The following JAZF1 variants were observed in gnomAD, a reference collection of about 807,000 sequenced individuals.
The protein encoded by JAZF1 is JAZF zinc finger 1.
In JAZF1, 8 loss-of-function variants were observed where a neutral mutation model predicts 26.4. That is an observed-to-expected ratio of 0.30 (90% CI 0.18 to 0.55). JAZF1 has a LOEUF of 0.55. Among genes scored for constraint, JAZF1 ranks in the 20% least tolerant of loss-of-function variants. The pLI is 0.94. For synonymous variants in JAZF1, 126 were observed against 122.3 expected (o/e 1.03, Z -0.20); for missense variants, 199 against 322.0 (o/e 0.62, Z 2.92).
chr7:27,908,710 C>T (rs1784306040), intron 2 of JAZF1, among the ~76,000 whole-genome samples: 2 of 152,198 alleles, frequency 1.3e-5, no homozygotes, highest in African/African-American at 4.8e-5. Flanking sequence ...GTAAGAACAA[C>T]AAATGACTTT....
chr7:28,106,146 A>C (rs926876893), intron 1 of JAZF1, among the ~76,000 whole-genome samples: 3 of 152,226 alleles, frequency 2.0e-5, no homozygotes, highest in African/African-American at 7.2e-5. Flanking sequence ...ATGATAGTAA[A>C]ACTAGAGAAA....
At chr7:28,049,221 T>A (rs1385370515) in intron 1 of JAZF1, among the ~76,000 whole-genome samples, 8 of 151,672 alleles carry the variant, frequency 5.3e-5, no homozygotes, top group African/African-American at 1.7e-4. Context: ...TAGTTGGGAT[T>A]ACAGGTGCCC....
At chr7:28,156,484 A>G (rs888313670) in intron 1 of JAZF1, among the ~76,000 whole-genome samples, 7 of 152,228 alleles carry the variant, frequency 4.6e-5, no homozygotes, top group African/African-American at 1.7e-4. Context: ...AAGTGGAGAA[A>G]ATGTTTGTTG....
At chr7:27,973,979 T>C (rs77671727) in intron 2 of JAZF1, among the ~76,000 whole-genome samples, 3,285 of 152,154 alleles carry the variant, frequency 0.022, 64 homozygotes, top group Middle Eastern at 0.037. Context: ...GATGCAAAGG[T>C]AATACATTTG....
intron 2 of JAZF1, among the ~76,000 whole-genome samples, chr7:27,947,519 G>C (rs1456701673): frequency 6.6e-6 from 1 of 152,188 alleles, no homozygotes; most frequent in Non-Finnish European, 1.5e-5. Context: ...CCTTTCAAGT[G>C]AATCTGCTTT....
At chr7:27,994,646 G>C (rs547245282) in intron 1 of JAZF1, among the ~76,000 whole-genome samples, 1 of 152,156 alleles carries the variant, frequency 6.6e-6, no homozygotes, top group African/African-American at 2.4e-5. Flanking sequence ...CCATTAAAGT[G>C]CTGAAATCTT....
Position 27,832,784 on chromosome 7 carries a change from A to C in JAZF1, c.*16T>G. 1 of 1,466,646 alleles carries C rather than the reference A, an allele frequency of 6.8e-7. No individual in the cohort carries two copies. Among genetic ancestry groups the C allele is most frequent in the Non-Finnish European group, 9.1e-7 (1 of 1,099,170 alleles). The allele number at this position is 1,466,646 out of a possible 1,614,324, so 90.9% of individuals were successfully genotyped here. A position where few individuals can be genotyped will look rare whatever the true frequency, so the allele number is the denominator to read the frequency against. ...ACTGCTGGTGAGGATTTCTTGGCAC[A>C]GTTATGACCAGCATGTTATTGCTGC... On this transcript the variant is annotated 3_prime_UTR_variant, in exon 5 of 5. Coordinates refer to ENST00000283928, the MANE Select transcript of JAZF1 (RefSeq NM_175061.4).
chr7:28,086,540 T>C (rs7779546), intron 1 of JAZF1, among the ~76,000 whole-genome samples: 35,497 of 152,160 alleles, frequency 0.23, 8,506 homozygotes, highest in African/African-American at 0.61. Context: ...CAGACACACA[T>C]ATACATGTGC....
At chr7:27,882,797 G>T (rs891172448) in intron 3 of JAZF1, among the ~76,000 whole-genome samples, 3 of 152,196 alleles carry the variant, frequency 2.0e-5, no homozygotes, top group Non-Finnish European at 4.4e-5. Flanking sequence ...GGGCTTCTCT[G>T]ATTTTAATAT....
At chr7:27,884,679 T>C (rs548726825) in intron 3 of JAZF1, among the ~76,000 whole-genome samples, 22 of 152,376 alleles carry the variant, frequency 1.4e-4, no homozygotes, top group African/African-American at 5.3e-4. Flanking sequence ...TTGTTGTGTG[T>C]GTATCAGTAC....
chr7:28,088,721 T>C (rs1784247405), intron 1 of JAZF1, among the ~76,000 whole-genome samples: 1 of 152,188 alleles, frequency 6.6e-6, no homozygotes, highest in South Asian at 2.1e-4. Flanking sequence ...AGAACTCTGT[T>C]ATTTTCACCT....
At chr7:28,095,811 C>T (rs1449604768) in intron 1 of JAZF1, among the ~76,000 whole-genome samples, 2 of 152,218 alleles carry the variant, frequency 1.3e-5, no homozygotes, top group African/African-American at 4.8e-5. Context: ...ACAACAGAAG[C>T]AATTCTGGAG....
intron 3 of JAZF1, among the ~76,000 whole-genome samples, chr7:27,883,936 T>G (rs1783814476): frequency 6.6e-6 from 1 of 152,254 alleles, no homozygotes; most frequent in Admixed American, 6.5e-5. Flanking sequence ...CTTTCTTCAA[T>G]GAACAGGAAA....
chr7:27,987,878 A>G (rs574139046), intron 2 of JAZF1, among the ~76,000 whole-genome samples: 1 of 152,354 alleles, frequency 6.6e-6, no homozygotes, highest in South Asian at 2.1e-4. Flanking sequence ...CTGTTAATCT[A>G]TAACCTTACC....
At chr7:27,987,072 G>C (rs867646850) in intron 2 of JAZF1, among the ~76,000 whole-genome samples, 1 of 152,064 alleles carries the variant, frequency 6.6e-6, no homozygotes, top group Admixed American at 6.5e-5. Flanking sequence ...CTGCCCGGCC[G>C]CCACCCCATC....
chr7:28,017,521 C>T (rs750587247), intron 1 of JAZF1, among the ~76,000 whole-genome samples: 1 of 152,130 alleles, frequency 6.6e-6, no homozygotes, highest in Non-Finnish European at 1.5e-5. Flanking sequence ...ACTTATACAG[C>T]TGATTCATAT....
intron 2 of JAZF1, among the ~76,000 whole-genome samples, chr7:27,979,255 T>C (rs1463851541): frequency 6.6e-6 from 1 of 151,984 alleles, no homozygotes; most frequent in Admixed American, 6.6e-5. Context: ...AAATGCTATA[T>C]ATATATTTTT....
At chr7:27,987,963 C>T (rs1467022973) in intron 2 of JAZF1, among the ~76,000 whole-genome samples, 1 of 152,120 alleles carries the variant, frequency 6.6e-6, no homozygotes, top group Non-Finnish European at 1.5e-5. Context: ...GCAAGATGTG[C>T]TTTGTTAAAC....
intron 3 of JAZF1, among the ~76,000 whole-genome samples, chr7:27,845,925 C>T (rs750114961): frequency 7.9e-5 from 12 of 151,914 alleles, no homozygotes; most frequent in South Asian, 2.1e-4. Flanking sequence ...AGCCCTAAAT[C>T]GCAGGATGCT....
Sources: gnomAD v4.1 joint callset for allele counts (sites outside exome capture counted in the v4.1 genomes callset) on GRCh38, gnomAD v4.1.1 for gene constraint, MANE v1.5 for transcripts, NCBI Gene and HGNC (gene_info 2026-07-23, HGNC 2026-07-21) for gene names.